Variants in CNBD1 observed in about 807,000 individuals in gnomAD.
CNBD1 encodes the protein cyclic nucleotide binding domain containing 1.
A neutral mutation model predicts 54.4 loss-of-function variants in CNBD1; 71 were observed. The ratio of observed to expected loss-of-function variants is 1.30; its 90% confidence interval spans 1.08 to 1.59. The LOEUF (loss-of-function observed/expected upper bound fraction) is 1.59, where lower values mean the gene tolerates loss of function less well. Among genes scored for constraint, CNBD1 ranks in the 40% most tolerant of loss-of-function variants. CNBD1 has a pLI of 0.00. For missense variants in CNBD1, 659 were observed against 518.0 expected, an observed-to-expected ratio of 1.27 and a Z score of -2.64; for synonymous variants, 182 against 170.7, an observed-to-expected ratio of 1.07 and a Z score of -0.51.
chr8:87,334,223 G>T (rs1357388784), intron 8 of CNBD1, among the ~76,000 whole-genome samples: 1 of 151,996 alleles, frequency 6.6e-6, no homozygotes, highest in African/African-American at 2.4e-5. Context: ...GGTCAGTGTT[G>T]ATATCCCCTT....
At chr8:87,288,800 A>G (rs995097128) in intron 8 of CNBD1, among the ~76,000 whole-genome samples, 2 of 152,126 alleles carry the variant, frequency 1.3e-5, no homozygotes, top group African/African-American at 4.8e-5. Flanking sequence ...AAACATATAA[A>G]TGTGTGGTAC....
intron 6 of CNBD1, among the ~76,000 whole-genome samples, chr8:87,255,893 TAAATA>T (rs1046915759): frequency 2.8e-5 from 4 of 141,072 alleles, no homozygotes; most frequent in South Asian, 2.3e-4. Flanking sequence ...TATTATGCCT[TAAATA>T]AAATAAGACA....
intron 4 of CNBD1, among the ~76,000 whole-genome samples, chr8:86,995,925 C>G (rs550558927): frequency 6.6e-6 from 1 of 152,178 alleles, no homozygotes; most frequent in South Asian, 2.1e-4. Context: ...TTTTTCTTGT[C>G]AAAAATCCCC....
At chr8:87,380,248 A>T (rs1410417032) in intron 10 of CNBD1, among the ~76,000 whole-genome samples, 1 of 152,010 alleles carries the variant, frequency 6.6e-6, no homozygotes, top group Non-Finnish European at 1.5e-5. Flanking sequence ...CTACCTAAAT[A>T]GTATACAGTT....
At chr8:87,060,335 A>G (rs1810515930) in intron 4 of CNBD1, among the ~76,000 whole-genome samples, 1 of 152,236 alleles carries the variant, frequency 6.6e-6, no homozygotes, top group Non-Finnish European at 1.5e-5. Flanking sequence ...GAATACAGAA[A>G]TTATAGAAAC....
At chr8:87,145,463 C>G (rs1408845641) in intron 4 of CNBD1, among the ~76,000 whole-genome samples, 1 of 151,996 alleles carries the variant, frequency 6.6e-6, no homozygotes, top group South Asian at 2.1e-4. Context: ...AACCCCAGAT[C>G]CCAGGTTTGA....
chr8:86,897,154 C>T (rs756058574), intron 2 of CNBD1, among the ~76,000 whole-genome samples: 12 of 152,280 alleles, frequency 7.9e-5, no homozygotes, highest in Non-Finnish European at 1.6e-4. Context: ...CTGTCATCAT[C>T]TTGAAATGCT....
intron 8 of CNBD1, among the ~76,000 whole-genome samples, chr8:87,301,525 T>G (rs1808992395): frequency 6.6e-6 from 1 of 152,164 alleles, no homozygotes; most frequent in African/African-American, 2.4e-5. Context: ...ATACCAAAGA[T>G]GCAGGGATAG....
At chr8:87,282,868 G>A (rs545935671) in intron 6 of CNBD1, among the ~76,000 whole-genome samples, 1 of 152,118 alleles carries the variant, frequency 6.6e-6, no homozygotes, top group South Asian at 2.1e-4. Flanking sequence ...ATCTAGCAGA[G>A]GAGAAAGATT....
At chr8:87,328,788 T>A (rs916540817) in intron 8 of CNBD1, among the ~76,000 whole-genome samples, 3 of 152,154 alleles carry the variant, frequency 2.0e-5, no homozygotes, top group African/African-American at 7.2e-5. Context: ...TTAACAATGT[T>A]TTATATTTTT....
In CNBD1 at chr8:87,301,907, C is replaced by A. The variant is rs201625636; in HGVS notation, c.1042+15236C>A. 3.3e-5 allele frequency among the ~76,000 whole-genome samples: 5 copies of A among 152,012 alleles called. No individual in the cohort carries two copies. The South Asian group carries it at 8.3e-4, about 25-fold the overall frequency. The stretch of plus-strand genomic sequence containing the variant: ...ATCTAGAAGAAATGGATAAATTCCT[C>A]GACACATATACCCGCCCAAGATTAA... On this transcript the variant is annotated intron_variant, in intron 8 of 10. Coordinates refer to ENST00000518476, the MANE Select transcript of CNBD1 (RefSeq NM_173538.3).
chr8:87,323,952 C>G (rs1349937458), intron 8 of CNBD1, among the ~76,000 whole-genome samples: 1 of 138,480 alleles, frequency 7.2e-6, no homozygotes, highest in Non-Finnish European at 1.6e-5. Flanking sequence ...CCATAGATAG[C>G]TCTTATTATT....
Position 87,127,962 on chromosome 8 carries a change from C to T in CNBD1, c.432-78031C>T, listed in dbSNP as rs150754470. On this transcript the variant is annotated intron_variant, in intron 4 of 10. Transcript: ENST00000518476. ...TGTACCCATATAAACCCCAAACCCC[C>T]GGCTCCACGAGGAGACAAACAGAAG... Among the ~76,000 whole-genome samples the T allele has an allele frequency of 5.3e-3, 800 of 152,152 alleles. 14 individuals carry two copies. The highest frequency in any genetic ancestry group is 0.017 in the East Asian group (88 of 5,154).
chr8:87,377,739 C>T (rs989535054), intron 10 of CNBD1, among the ~76,000 whole-genome samples: 5 of 141,018 alleles, frequency 3.5e-5, no homozygotes, highest in Non-Finnish European at 7.7e-5. Context: ...CTGACTTCCA[C>T]AATGGTTGAA....
At chr8:86,984,406 A>C (rs1054845886) in intron 4 of CNBD1, among the ~76,000 whole-genome samples, 2 of 152,268 alleles carry the variant, frequency 1.3e-5, no homozygotes, top group African/African-American at 4.8e-5. Flanking sequence ...CTGGGGCGCA[A>C]TCTAGTGGAG....
In CNBD1 at chr8:87,044,607, T is replaced by G. The variant is rs188582772; in HGVS notation, c.431+104853T>G. 3.5e-4 allele frequency: 53 copies of G among 152,312 alleles called. No individual in the cohort carries two copies. In the East Asian group the frequency reaches 4.0e-3, roughly 12 times the overall value. The allele number at this position is 152,312 out of a possible 1,614,324, so 9.4% of individuals were successfully genotyped here. ...TCTGTAGCTGTTTGAGTAACTTTTC[T>G]TATGTGAAAAGCTGTCTGTACAACT... On this transcript the variant is annotated intron_variant, in intron 4 of 10. Coordinates refer to ENST00000518476, the MANE Select transcript of CNBD1 (RefSeq NM_173538.3).
At chr8:87,273,878 C>T (rs1358843973) in intron 6 of CNBD1, among the ~76,000 whole-genome samples, 2 of 151,100 alleles carry the variant, frequency 1.3e-5, no homozygotes, top group Non-Finnish European at 2.9e-5. Context: ...CCCACTAACT[C>T]GTCATCTAGC....
chr8:87,062,028 C>A (rs1212218457), intron 4 of CNBD1, among the ~76,000 whole-genome samples: 1 of 152,178 alleles, frequency 6.6e-6, no homozygotes, highest in Non-Finnish European at 1.5e-5. Flanking sequence ...TCATTAGTGA[C>A]ATTAAGCCTG....
intron 4 of CNBD1, among the ~76,000 whole-genome samples, chr8:86,944,252 T>A (rs1032797410): frequency 6.6e-6 from 1 of 152,240 alleles, no homozygotes; most frequent in Admixed American, 6.5e-5. Context: ...ATCCATTAAT[T>A]AATGAATCCA....
Sources: gnomAD v4.1 joint callset for allele counts (sites outside exome capture counted in the v4.1 genomes callset) on GRCh38, gnomAD v4.1.1 for gene constraint, MANE v1.5 for transcripts, NCBI Gene and HGNC (gene_info 2026-07-23, HGNC 2026-07-21) for gene names.